Variants in CREB5 observed in about 807,000 individuals in gnomAD.
CREB5 encodes the protein cAMP responsive element binding protein 5, also known as cyclic AMP-responsive element-binding protein 5.
CREB5 carries 19 observed loss-of-function variants against 57.1 expected under a neutral mutation model. The ratio of observed to expected loss-of-function variants is 0.33; its 90% CI spans 0.23 to 0.49. The LOEUF (loss-of-function observed/expected upper bound fraction) is 0.49. Ranked by LOEUF, CREB5 falls within the 20% of genes least tolerant of loss-of-function variation. CREB5 has a pLI of 0.99. For missense variants in CREB5, 579 were observed against 671.6 expected (o/e 0.86, Z 1.52); for synonymous variants, 238 against 238.3 (o/e 1.00, Z 0.01).
chr7:28,385,036 TGAG>T (rs2127996669), intron 1 of CREB5, among the ~76,000 whole-genome samples: 1 of 152,322 alleles, frequency 6.6e-6, no homozygotes, highest in Admixed American at 6.5e-5. Context: ...TAGTTATCTT[TGAG>T]GAGGGTGTTT....
intron 5 of CREB5, among the ~76,000 whole-genome samples, chr7:28,598,683 A>C (rs140505686): frequency 3.3e-5 from 5 of 151,914 alleles, no homozygotes; most frequent in African/African-American, 9.7e-5. Context: ...TCTTTGCCTC[A>C]CTCTATCCAT....
At chr7:28,332,208 A>T (rs112447144) in intron 1 of CREB5, among the ~76,000 whole-genome samples, 1 of 152,174 alleles carries the variant, frequency 6.6e-6, no homozygotes, top group Non-Finnish European at 1.5e-5. Flanking sequence ...AGAAACTGGA[A>T]GCGATTCTCC....
intron 4 of CREB5, among the ~76,000 whole-genome samples, chr7:28,517,237 C>G (rs1793004485): frequency 6.6e-6 from 1 of 152,156 alleles, no homozygotes; most frequent in Admixed American, 6.5e-5. Flanking sequence ...ATAATAGTTG[C>G]AAGAAACTGT....
chr7:28,451,992 C>T (rs1253756076), intron 1 of CREB5, among the ~76,000 whole-genome samples: 2 of 152,206 alleles, frequency 1.3e-5, no homozygotes, highest in African/African-American at 4.8e-5. Flanking sequence ...CTAACTTTAG[C>T]TGCCAGCTCC....
rs1554281505 is a variant in CREB5, at chr7:28,658,949, G to GTGTGTATATATATATATATATATA, written c.465-59802_465-59779dup. ...ATTGCACTAAATATTATATGTGTGT[G>GTGTGTATATATATATATATATATA]TGTGTATATATATATATATATATAT... On this transcript the variant is annotated intron_variant, in intron 5 of 10. Transcript: ENST00000357727. Among the ~76,000 whole-genome samples the GTGTGTATATATATATATATATATA allele has an allele frequency of 2.7e-3, 124 of 46,778 alleles. 1 individual carries two copies. Among genetic ancestry groups the GTGTGTATATATATATATATATATA allele is most frequent in the African/African-American group, 8.0e-3 (119 of 14,870 alleles). The allele number at this position is 46,778 out of a possible 152,430, so 30.7% of individuals were successfully genotyped here. A position where few individuals can be genotyped will look rare whatever the true frequency, so the allele number is the denominator to read the frequency against.
intron 1 of CREB5, among the ~76,000 whole-genome samples, chr7:28,318,818 G>A (rs1742573884): frequency 6.6e-6 from 1 of 152,124 alleles, no homozygotes; most frequent in Non-Finnish European, 1.5e-5. Flanking sequence ...AGAATTTCAA[G>A]GCTCATCAAA....
At position 28,823,360 on chromosome 7, in the gene CREB5, T is replaced by C. The variant is rs562271454; in HGVS notation, c.*4081T>C. 28 of 152,746 alleles carry C rather than the reference T, an allele frequency of 1.8e-4. No individual in the cohort carries two copies. Among genetic ancestry groups the C allele is most frequent in the African/African-American group, 5.3e-4 (22 of 41,576 alleles). 9.5% of individuals were successfully genotyped at this position (152,746 alleles called of 1,614,324 possible). A position where few individuals can be genotyped will look rare whatever the true frequency, so the allele number is the denominator to read the frequency against. On this transcript the variant is annotated 3_prime_UTR_variant, in exon 11 of 11. Coordinates refer to ENST00000357727, the MANE Select transcript of CREB5 (RefSeq NM_182898.4). ...ATAAGATATTTATTAATAAATGTTA[T>C]TTTTAAACATTCCATTTGAACAGTA... is the stretch of plus-strand genomic sequence containing the variant.
At chr7:28,437,344 G>A (rs1359328921) in intron 1 of CREB5, among the ~76,000 whole-genome samples, 1 of 152,114 alleles carries the variant, frequency 6.6e-6, no homozygotes, top group African/African-American at 2.4e-5. Flanking sequence ...AAGTTGCAGA[G>A]CCAGGATTCA....
At chr7:28,582,751 G>A (rs1796166271) in intron 5 of CREB5, among the ~76,000 whole-genome samples, 1 of 152,170 alleles carries the variant, frequency 6.6e-6, no homozygotes, top group Non-Finnish European at 1.5e-5. Context: ...GAGTTTTAGA[G>A]GAGCGTCCAA....
At chr7:28,575,885 G>A (rs1445936398) in intron 5 of CREB5, among the ~76,000 whole-genome samples, 1 of 152,130 alleles carries the variant, frequency 6.6e-6, no homozygotes, top group Non-Finnish European at 1.5e-5. Flanking sequence ...GGGGCCGGCA[G>A]CCTTCCACTC....
At chr7:28,619,864 G>A (rs1243427053) in intron 5 of CREB5, among the ~76,000 whole-genome samples, 1 of 152,166 alleles carries the variant, frequency 6.6e-6, no homozygotes, top group Admixed American at 6.5e-5. Flanking sequence ...CCAAAGGTGA[G>A]ATCTTAGGTT....
intron 7 of CREB5, among the ~76,000 whole-genome samples, chr7:28,753,115 A>G (rs1356115619): frequency 6.6e-6 from 1 of 152,164 alleles, no homozygotes; most frequent in African/African-American, 2.4e-5. Flanking sequence ...TCCTAAGAAA[A>G]TAATCACAGA....
At chr7:28,752,352 A>T (rs888635229) in intron 7 of CREB5, among the ~76,000 whole-genome samples, 3 of 152,136 alleles carry the variant, frequency 2.0e-5, no homozygotes, top group African/African-American at 7.2e-5. Flanking sequence ...GTTTTAGTAG[A>T]GATGGGGTTT....
At chr7:28,475,235 G>A (rs576657736) in intron 1 of CREB5, among the ~76,000 whole-genome samples, 2 of 132,264 alleles carry the variant, frequency 1.5e-5, no homozygotes, top group African/African-American at 2.8e-5. Flanking sequence ...CACTTCATGC[G>A]TTATTCAGAA....
chr7:28,551,973 C>CTTTCTCTCTCTCTTTCTCTCT (rs1794678845), intron 4 of CREB5, among the ~76,000 whole-genome samples: 1 of 111,554 alleles, frequency 9.0e-6, no homozygotes, highest in African/African-American at 4.5e-5. Context: ...TTTATTCTCT[C>CTTTCTCTCTCTCTTTCTCTCT]TTTCTCTCTC....
chr7:28,402,790 A>ATG (rs1787499299), intron 1 of CREB5, among the ~76,000 whole-genome samples: 1 of 152,208 alleles, frequency 6.6e-6, no homozygotes, highest in African/African-American at 2.4e-5. Context: ...TAAAACACCA[A>ATG]AAGCAATGGC....
chr7:28,305,610 G>A (rs1785168401), intron 1 of CREB5, among the ~76,000 whole-genome samples: 1 of 152,096 alleles, frequency 6.6e-6, no homozygotes, highest in African/African-American at 2.4e-5. Context: ...TGAATTAATG[G>A]GGACTCTGCT....
chr7:28,695,940 T>C (rs1801535500), intron 5 of CREB5, among the ~76,000 whole-genome samples: 1 of 120,024 alleles, frequency 8.3e-6, no homozygotes, highest in South Asian at 2.6e-4. Context: ...ATTATGATTC[T>C]GAAAAAAAAG....
At chr7:28,544,360 A>C (rs1427687197) in intron 4 of CREB5, among the ~76,000 whole-genome samples, 1 of 152,194 alleles carries the variant, frequency 6.6e-6, no homozygotes, top group African/African-American at 2.4e-5. Context: ...ATTTGGAAGA[A>C]AAGTCCACAT....
Sources: gnomAD v4.1 joint callset for allele counts (sites outside exome capture counted in the v4.1 genomes callset) on GRCh38, gnomAD v4.1.1 for gene constraint, MANE v1.5 for transcripts, NCBI Gene and HGNC (gene_info 2026-07-23, HGNC 2026-07-21) for gene names.